The following STK31 variants were observed in gnomAD, a reference collection of about 807,000 sequenced individuals.
STK31 encodes serine/threonine-protein kinase 31.
Under a neutral mutation model 129.7 loss-of-function variants are expected in STK31, and 89 were observed. The ratio of observed to expected loss-of-function variants is 0.69; its 90% CI spans 0.58 to 0.82. The LOEUF is 0.82. STK31 is among the 40% of genes least tolerant of loss of function. STK31 has a pLI of 0.00. For missense variants in STK31, 1,187 were observed against 1,176.4 expected, an observed-to-expected ratio of 1.01 and a Z score of -0.13; for synonymous variants, 448 against 395.3, an observed-to-expected ratio of 1.13 and a Z score of -1.58.
chr7:23,710,231 C>T lies in STK31; in HGVS notation c.-55C>T, dbSNP rs1443713152. ...GTGTGGGGCCCTTGCGGTCGAAGCT[C>T]ACGCGGTAAGCCGCTGCACGTGTGC... On this transcript the variant is annotated 5_prime_UTR_variant, in exon 1 of 24. Transcript: ENST00000355870. 1 of 1,611,212 alleles carries T rather than the reference C, an allele frequency of 6.2e-7. No individual in the cohort carries two copies. The highest frequency in any genetic ancestry group is 1.3e-5 in the African/African-American group (1 of 74,860).
intron 11 of STK31, 126 bp from the exon 12 acceptor site, chr7:23,768,869 G>C: frequency 1.3e-6 from 1 of 780,604 alleles, no homozygotes; most frequent in South Asian, 3.7e-5. Flanking sequence ...ATTCTAAGTT[G>C]TATTTATGAA....
At chr7:23,783,514 T>C in intron 16 of STK31, 69 bp from the exon 17 acceptor site, 1 of 1,161,558 alleles carries the variant, frequency 8.6e-7, no homozygotes, top group Non-Finnish European at 1.2e-6. Context: ...TATATTTTCC[T>C]GAAGAGCAAC....
At chr7:23,788,167 T>C (rs369208836) in intron 21 of STK31, 38 bp downstream of exon 21, 52 of 1,534,644 alleles carry the variant, frequency 3.4e-5, no homozygotes, top group Non-Finnish European at 4.4e-5. Flanking sequence ...TTCTAGACTT[T>C]ATTTAATATT....
rs1318111793 is a variant in STK31 at position 23,735,737 on chromosome 7, C to A, written c.683C>A (p.Pro228His). Residue 228 changes from proline (P) to histidine (H), a missense_variant, in exon 7 of 24, where the codon CCT becomes CAT. By Grantham distance (77) the Pro-to-His change is moderately conservative (BLOSUM62 -2). Transcript: ENST00000355870. ...TDICEEKKLD[P>H]GQLVLRNLKS... Reference sequence around the variant, plus strand: ...ATCTGTGAGGAAAAAAAATTGGATCCTGGTCAACTTGTTCTCAGGAACCTC... The same window carrying A: ...ATCTGTGAGGAAAAAAAATTGGATCATGGTCAACTTGTTCTCAGGAACCTC... The A allele has an allele frequency of 6.2e-7, 1 of 1,613,942 alleles. No individual in the cohort carries two copies. The highest frequency in any genetic ancestry group is 1.3e-5 in the African/African-American group (1 of 74,902).
intron 8 of STK31, among the ~76,000 whole-genome samples, chr7:23,744,616 A>G (rs1417928945): frequency 6.6e-6 from 1 of 152,160 alleles, no homozygotes; most frequent in Non-Finnish European, 1.5e-5. Context: ...TCTTTTCCTG[A>G]AGATGTACCC....
At chr7:23,728,558 A>G (rs1787221359) in intron 5 of STK31, among the ~76,000 whole-genome samples, 2 of 152,178 alleles carry the variant, frequency 1.3e-5, no homozygotes, top group African/African-American at 4.8e-5. Flanking sequence ...GGGCAGCATG[A>G]TGTTTGACCT....
At chr7:23,713,441 A>G (rs1786102475) in intron 3 of STK31, among the ~76,000 whole-genome samples, 1 of 152,200 alleles carries the variant, frequency 6.6e-6, no homozygotes, top group South Asian at 2.1e-4. Flanking sequence ...CTTTATAAAT[A>G]CCATACACTT....
At chr7:23,716,899 A>G (rs1786363842) in intron 3 of STK31, among the ~76,000 whole-genome samples, 1 of 150,412 alleles carries the variant, frequency 6.6e-6, no homozygotes, top group Non-Finnish European at 1.5e-5. Context: ...GGCTCAAGCA[A>G]TCCTCCCACC....
At chr7:23,758,307 A>G (rs1280656917) in intron 10 of STK31, among the ~76,000 whole-genome samples, 1 of 152,166 alleles carries the variant, frequency 6.6e-6, no homozygotes, top group African/African-American at 2.4e-5. Context: ...TTGTGGGGTC[A>G]GTGGTGATAC....
intron 15 of STK31, among the ~76,000 whole-genome samples, chr7:23,777,161 C>G (rs4601208): frequency 0.2 from 30,327 of 151,796 alleles, 3,105 homozygotes; most frequent in African/African-American, 0.23. Flanking sequence ...TTAAGTTCTA[C>G]TTTGATTGCA....
In STK31 at chr7:23,788,142, G is replaced by A; in HGVS notation, c.2637+13G>A. 1 of 1,601,792 alleles carries A rather than the reference G, an allele frequency of 6.2e-7. No individual in the cohort carries two copies. Among genetic ancestry groups the A allele is most frequent in the South Asian group, 1.1e-5 (1 of 88,162 alleles). On this transcript the variant is annotated intron_variant, in intron 21 of 23. Coordinates refer to ENST00000355870, the MANE Select transcript of STK31 (RefSeq NM_031414.5). The stretch of plus-strand genomic sequence containing the variant: ...CACCAAATCTGTGGTAAGATATCAT[G>A]GTTTTACAAATAGGTTCTAGACTTT...
At chr7:23,754,124 A>G (rs1044812736) in intron 9 of STK31, among the ~76,000 whole-genome samples, 191 bp from the exon 10 acceptor site, 13 of 152,302 alleles carry the variant, frequency 8.5e-5, no homozygotes, top group African/African-American at 3.1e-4. Context: ...TAAATTATGC[A>G]TGTCTGCATA....
chr7:23,784,686 T>TA lies in STK31; in HGVS notation c.2149-782dup, dbSNP rs559533160. Among the ~76,000 whole-genome samples the TA allele has an allele frequency of 3.3e-4, 49 of 148,740 alleles. 3 individuals carry two copies. In the South Asian group the frequency reaches 7.9e-3, roughly 24 times the overall value. ...AATACTTAAATGTACCGACAAGACT[T>TA]AAAAAAAAAACCCAGAAAACAATTC... is the stretch of plus-strand genomic sequence containing the variant. On this transcript the variant is annotated intron_variant, in intron 17 of 23. Coordinates refer to ENST00000355870, the MANE Select transcript of STK31 (RefSeq NM_031414.5).
At chr7:23,805,776 T>G (rs1792669073) in intron 22 of STK31, among the ~76,000 whole-genome samples, 1 of 152,200 alleles carries the variant, frequency 6.6e-6, no homozygotes, top group Non-Finnish European at 1.5e-5. Context: ...TGAGCCACTG[T>G]GCCCAGCCCA....
intron 23 of STK31, among the ~76,000 whole-genome samples, chr7:23,822,771 G>T (rs190506169): frequency 6.6e-6 from 1 of 151,930 alleles, no homozygotes; most frequent in Non-Finnish European, 1.5e-5. Context: ...AACAGTCCCC[G>T]GTATGTGATG....
rs1339530999 is a variant in STK31, at chr7:23,769,084, G to A, written c.1506G>A (p.Lys502=). 6.2e-7 allele frequency: 1 copy of A among 1,613,194 alleles called. No individual in the cohort carries two copies. The highest frequency in any genetic ancestry group is 1.3e-5 in the African/African-American group (1 of 74,906). Residue 502 remains lysine (K), a synonymous_variant, in exon 12 of 24, where the codon AAG becomes AAA. Coordinates refer to ENST00000355870, the MANE Select transcript of STK31 (RefSeq NM_031414.5). Reference sequence around the variant, plus strand: ...TACTTAAAAAATTTTATGACTGGAAGTGTGATAAAAGAGAGGAGTTCACCA... The same window carrying A: ...TACTTAAAAAATTTTATGACTGGAAATGTGATAAAAGAGAGGAGTTCACCA... ...DEILKKFYDW[K]CDKREEFTSV...
intron 11 of STK31, among the ~76,000 whole-genome samples, chr7:23,764,602 C>T (rs564647663): frequency 6.6e-6 from 1 of 151,842 alleles, no homozygotes; most frequent in South Asian, 2.1e-4. Flanking sequence ...ATTGTATTCT[C>T]GGTTTTCTTG....
chr7:23,828,687 A>C (rs1171229647), intron 23 of STK31, among the ~76,000 whole-genome samples: 1 of 152,056 alleles, frequency 6.6e-6, no homozygotes, highest in Non-Finnish European at 1.5e-5. Context: ...TGCGTCGCTC[A>C]CGCTGGGAGC....
At chr7:23,739,065 A>G (rs1425238730) in intron 8 of STK31, among the ~76,000 whole-genome samples, 1 of 152,250 alleles carries the variant, frequency 6.6e-6, no homozygotes, top group Non-Finnish European at 1.5e-5. Flanking sequence ...GTCTTCCGCA[A>G]TGGTTGAACT....
Sources: allele counts gnomAD v4.1 joint callset (sites outside exome capture counted in the v4.1 genomes callset), GRCh38; gene constraint gnomAD v4.1.1; transcripts MANE v1.5; gene names NCBI Gene and HGNC (gene_info 2026-07-23, HGNC 2026-07-21).